Variants in SH3PXD2B observed in about 807,000 individuals in gnomAD.
SH3PXD2B encodes SH3 and PX domains 2B.
A neutral mutation model predicts 73.1 loss-of-function variants in SH3PXD2B; 37 were observed. The ratio of observed to expected loss-of-function variants is 0.51; its 90% CI spans 0.39 to 0.67. The LOEUF (loss-of-function observed/expected upper bound fraction) is 0.67, where lower values mean the gene tolerates loss of function less well. Among genes scored for constraint, SH3PXD2B ranks in the 30% least tolerant of loss-of-function variants. SH3PXD2B has a pLI of 0.00. For synonymous variants in SH3PXD2B, 457 were observed against 480.5 expected, an observed-to-expected ratio of 0.95 and a Z score of 0.64; for missense variants, 1,053 against 1,197.8, an observed-to-expected ratio of 0.88 and a Z score of 1.78.
Position 172,339,841 on chromosome 5 carries a change from T to C in SH3PXD2B, c.1264A>G (p.Ile422Val). The change falls in exon 13 of 13, where the codon ATT becomes GTT. Residue 422 changes from isoleucine to valine, a missense_variant. Physicochemically the swap from Ile to Val is conservative, Grantham distance 29 (BLOSUM62 3). Coordinates refer to ENST00000311601, the MANE Select transcript of SH3PXD2B (RefSeq NM_001017995.3). The surrounding 1 kb of genome is among the most constrained non-coding windows in gnomAD (Gnocchi z 6.1). ...TTGCTCGTCTTCTTGTACTTGTCAA[T>C]GAAGGTGGCCGGGGCCCACCCTTCC... ...DKEGWAPATF[I>V]DKYKKTSNAS... The C allele has an allele frequency of 6.2e-7, 1 of 1,614,260 alleles. No homozygotes were observed. Among genetic ancestry groups the C allele is most frequent in the African/African-American group, 1.3e-5 (1 of 75,084 alleles).
chr5:172,441,580 C>T (rs1448799517), intron 1 of SH3PXD2B, among the ~76,000 whole-genome samples: 4 of 152,122 alleles, frequency 2.6e-5, no homozygotes, highest in African/African-American at 7.2e-5. Context: ...TCAATGTGTA[C>T]GTGTCATGAT....
chr5:172,416,753 G>C (rs183441355), intron 2 of SH3PXD2B, among the ~76,000 whole-genome samples: 38 of 133,806 alleles, frequency 2.8e-4, no homozygotes, highest in Non-Finnish European at 4.6e-4. Context: ...CTGTTGCCTA[G>C]GCTAGAGTGC....
chr5:172,434,724 C>CG (rs1759326307), intron 1 of SH3PXD2B, among the ~76,000 whole-genome samples: 1 of 151,802 alleles, frequency 6.6e-6, no homozygotes, highest in Non-Finnish European at 1.5e-5. Context: ...GCTGGGGCTG[C>CG]CGCACTGGTC....
chr5:172,424,178 G>T (rs1457531451), intron 1 of SH3PXD2B, among the ~76,000 whole-genome samples: 2 of 152,192 alleles, frequency 1.3e-5, no homozygotes, highest in Non-Finnish European at 2.9e-5. Flanking sequence ...TATGTCTTGG[G>T]CCACATCCAC....
At chr5:172,340,583 C>T (rs1442008001) in intron 12 of SH3PXD2B, among the ~76,000 whole-genome samples, 1 of 152,134 alleles carries the variant, frequency 6.6e-6, no homozygotes, top group East Asian at 1.9e-4. Context: ...ATAGAGTCCA[C>T]AACACATGAA....
Position 172,416,692 on chromosome 5 carries a change from CTCTCT to C in SH3PXD2B, c.156+5719_156+5723del, listed in dbSNP as rs1298647025. 4.9e-4 allele frequency among the ~76,000 whole-genome samples: 45 copies of C among 91,272 alleles called. No individual in the cohort carries two copies. The East Asian group carries it at 6.2e-3, about 13-fold the overall frequency. 59.9% of individuals were successfully genotyped at this position (91,272 alleles called of 152,430 possible). ...AGAGACTGTGAGTCTCTCTCTCTCT[CTCTCT>C]TTTTTTTTTTTTTTTTTTTTTTTTT... On this transcript the variant is annotated intron_variant, in intron 2 of 12. Coordinates refer to ENST00000311601, the MANE Select transcript of SH3PXD2B (RefSeq NM_001017995.3).
chr5:172,403,708 C>T (rs1219578060), intron 3 of SH3PXD2B, among the ~76,000 whole-genome samples: 7 of 152,256 alleles, frequency 4.6e-5, no homozygotes, highest in Admixed American at 1.3e-4. Context: ...TTAGAACTCA[C>T]TGCCTTCCTT....
At chr5:172,346,325 G>T (rs1175936775) in intron 11 of SH3PXD2B, 64 bp from the exon 12 acceptor site, 2 of 1,608,602 alleles carry the variant, frequency 1.2e-6, no homozygotes, top group African/African-American at 1.3e-5. Flanking sequence ...CTGTGTCAGG[G>T]GGAGTCTAAG....
chr5:172,382,791 C>T (rs1164447219), intron 4 of SH3PXD2B, among the ~76,000 whole-genome samples: 1 of 152,124 alleles, frequency 6.6e-6, no homozygotes, highest in East Asian at 1.9e-4. Flanking sequence ...TGCAGTGGTG[C>T]AGCCTCGGCT....
chr5:172,393,326 A>G (rs1758229794), intron 4 of SH3PXD2B, among the ~76,000 whole-genome samples: 1 of 152,242 alleles, frequency 6.6e-6, no homozygotes, highest in East Asian at 1.9e-4. Flanking sequence ...TGGGAGTGGG[A>G]CTGTTTTCTT....
intron 4 of SH3PXD2B, among the ~76,000 whole-genome samples, chr5:172,386,617 A>G (rs918924907): frequency 6.6e-6 from 1 of 151,182 alleles, no homozygotes; most frequent in Non-Finnish European, 1.5e-5. Context: ...CATGATACCC[A>G]TTTGTTTTGT....
chr5:172,328,923 AAG>A (rs1756495086), downstream of SH3PXD2B, among the ~76,000 whole-genome samples: 1 of 151,920 alleles, frequency 6.6e-6, no homozygotes, highest in Admixed American at 6.6e-5. Context: ...GGGTGTATGT[AAG>A]AGTTTCCCAC....
intron 6 of SH3PXD2B, among the ~76,000 whole-genome samples, chr5:172,366,861 T>C (rs1757538568): frequency 6.6e-6 from 1 of 151,410 alleles, no homozygotes; most frequent in South Asian, 2.1e-4. Context: ...CTTGATCTCC[T>C]GACCTGGAGA....
chr5:172,338,757 C>A lies in SH3PXD2B; in HGVS notation c.2348G>T (p.Cys783Phe). The A allele has an allele frequency of 6.2e-7, 1 of 1,614,210 alleles. No individual in the cohort carries two copies. The highest frequency in any genetic ancestry group is 1.3e-5 in the African/African-American group (1 of 75,046). The change falls in exon 13 of 13, where the codon TGT (cysteine) becomes TTT (phenylalanine). Residue 783 changes from cysteine to phenylalanine, a missense_variant. Cys to Phe is a radical substitution (Grantham distance 205). This residue lies in a region of SH3PXD2B where 587 missense variants were observed against 590.7 expected (regional missense o/e 0.99). Coordinates refer to ENST00000311601, the MANE Select transcript of SH3PXD2B (RefSeq NM_001017995.3). This position sits in a 1 kb window ranked among gnomAD's most constrained non-coding sequence, Gnocchi z 5.1. ...RPLPEVRGPQ[C>F]EGHESRAAPT... ...AGCTGCCCTGCTTTCGTGGCCTTCA[C>A]ACTGTGGACCTCTGACCTCTGGGAG...
intron 2 of SH3PXD2B, among the ~76,000 whole-genome samples, chr5:172,409,613 T>G (rs1423691175): frequency 6.6e-6 from 1 of 152,258 alleles, no homozygotes; most frequent in Non-Finnish European, 1.5e-5. Context: ...CATAATGTCC[T>G]CCAGTGGCAT....
At chr5:172,451,892 T>C (rs1759804600) in intron 1 of SH3PXD2B, among the ~76,000 whole-genome samples, 1 of 152,196 alleles carries the variant, frequency 6.6e-6, no homozygotes, top group Non-Finnish European at 1.5e-5. Context: ...TGACTCAGGC[T>C]TCAGTTCAGC....
intron 4 of SH3PXD2B, among the ~76,000 whole-genome samples, chr5:172,386,224 G>A (rs1325319377): frequency 6.6e-6 from 1 of 152,190 alleles, no homozygotes; most frequent in Non-Finnish European, 1.5e-5. Flanking sequence ...GGAGGGCTGT[G>A]CTATAGAATA....
At chr5:172,448,905 T>C (rs972257488) in intron 1 of SH3PXD2B, among the ~76,000 whole-genome samples, 2 of 152,176 alleles carry the variant, frequency 1.3e-5, no homozygotes, top group African/African-American at 4.8e-5. Flanking sequence ...GGGAGGAAAC[T>C]GGGGGCTGGA....
chr5:172,369,694 G>A (rs1201033779), intron 6 of SH3PXD2B, among the ~76,000 whole-genome samples: 1 of 152,048 alleles, frequency 6.6e-6, no homozygotes, highest in Non-Finnish European at 1.5e-5. Flanking sequence ...CTTGAACCCG[G>A]GAGGTGGAGG....
Sources: gnomAD v4.1 joint callset for allele counts (sites outside exome capture counted in the v4.1 genomes callset) on GRCh38, gnomAD v4.1.1 for gene constraint, gnomAD v4.1.1 regional missense constraint, Gnocchi (gnomAD v3.1) non-coding constraint, MANE v1.5 for transcripts, NCBI Gene and HGNC (gene_info 2026-07-23, HGNC 2026-07-21) for gene names.